Variants in BAZ1A observed in about 807,000 individuals in gnomAD.
BAZ1A encodes bromodomain adjacent to zinc finger domain 1A, also known as bromodomain adjacent to zinc finger domain protein 1A.
In BAZ1A, 50 loss-of-function variants were observed where a neutral mutation model predicts 185.2. The observed-to-expected ratio is 0.27, with a 90% CI of 0.22 to 0.34. The LOEUF (loss-of-function observed/expected upper bound fraction) is 0.34, where lower values mean the gene tolerates loss of function less well. Ranked by LOEUF, BAZ1A falls within the 10% of genes least tolerant of loss-of-function variation. The pLI is 1.00. For missense variants in BAZ1A, 1,356 were observed against 1,839.9 expected, an observed-to-expected ratio of 0.74 and a Z score of 4.81; for synonymous variants, 571 against 615.6, an observed-to-expected ratio of 0.93 and a Z score of 1.07.
Position 34,810,990 on chromosome 14 carries a change from G to C in BAZ1A, c.583C>G (p.Gln195Glu), listed in dbSNP as rs1440769273. The change falls in exon 5 of 27, where the codon CAA (glutamine) becomes GAA (glutamate). Residue 195 changes from glutamine to glutamate, a missense_variant. Physicochemically the swap from Gln to Glu is conservative, Grantham distance 29 (BLOSUM62 2). Around this residue, in one of 7 missense-constraint regions of BAZ1A, gnomAD observed 332 missense variants for 395.3 expected, o/e 0.84. Transcript: ENST00000360310. ...TCATGTAATTCTTTTTTAGTGGGTT[G>C]CACTTTATACTTGAATAGTAAGGGA... ...IDPLLFKYKV[Q>E]PTKKELHESA... The C allele has an allele frequency of 5.6e-6, 9 of 1,609,832 alleles. No individual in the cohort carries two copies. Among genetic ancestry groups the C allele is most frequent in the Non-Finnish European group, 7.6e-6 (9 of 1,177,676 alleles).
chr14:34,869,811 A>T lies in BAZ1A; in HGVS notation c.113+4681T>A, dbSNP rs374971097. Among the ~76,000 whole-genome samples, 25 of 152,280 alleles carry T rather than the reference A, an allele frequency of 1.6e-4. 1 individual carries two copies. In the East Asian group the frequency reaches 4.6e-3, roughly 28 times the overall value. On this transcript the variant is annotated intron_variant, in intron 2 of 26. Coordinates refer to ENST00000360310, the MANE Select transcript of BAZ1A (RefSeq NM_013448.3). ...CCTCTTGAATCTGGGCTGACCTTGT[A>T]ATCTGTTTTGACCAAAATAATAAAG... is the stretch of plus-strand genomic sequence containing the variant.
In BAZ1A at chr14:34,874,463, C is replaced by T. The variant is rs779399872; in HGVS notation, c.113+29G>A. 2.5e-6 allele frequency: 4 copies of T among 1,590,478 alleles called. No homozygotes were observed. Among genetic ancestry groups the T allele is most frequent in the South Asian group, 1.1e-5 (1 of 90,624 alleles). Reference sequence around the variant, plus strand: ...CTGCGGGGGGAGTCCCCACACCCCCCGCGGCCCCGCACACGGCCCGGCTCT... The same window carrying T: ...CTGCGGGGGGAGTCCCCACACCCCCTGCGGCCCCGCACACGGCCCGGCTCT... On this transcript the variant is annotated intron_variant, in intron 2 of 26. Coordinates refer to ENST00000360310, the MANE Select transcript of BAZ1A (RefSeq NM_013448.3). The surrounding 1 kb of genome is among the most constrained non-coding windows in gnomAD (Gnocchi z 4.7).
intron 4 of BAZ1A, among the ~76,000 whole-genome samples, chr14:34,817,277 A>T (rs4982219): frequency 0.3 from 44,919 of 151,336 alleles, 6,906 homozygotes; most frequent in Admixed American, 0.39. Context: ...TGGTGGTCAG[A>T]ATATATTATT....
At chr14:34,814,831 T>C (rs566105830) in intron 4 of BAZ1A, among the ~76,000 whole-genome samples, 2 of 150,556 alleles carry the variant, frequency 1.3e-5, no homozygotes, top group East Asian at 3.9e-4. Context: ...TGGAGTGCAA[T>C]GGTGCGGTCT....
At position 34,867,553 on chromosome 14, in the gene BAZ1A, C is replaced by G. The variant is rs75767366; in HGVS notation, c.114-5231G>C. 8.9e-3 allele frequency among the ~76,000 whole-genome samples: 1,351 copies of G among 152,350 alleles called. 109 individuals carry two copies. The East Asian group carries it at 0.2, about 22-fold the overall frequency. ...ACAGCAATGGCACAAATGCCACAACCAGTGATGTATAGCTGCCCTTTTATA... is the reference window on the plus strand; with the variant it reads ...ACAGCAATGGCACAAATGCCACAACGAGTGATGTATAGCTGCCCTTTTATA... On this transcript the variant is annotated intron_variant, in intron 2 of 26. Coordinates refer to ENST00000360310, the MANE Select transcript of BAZ1A (RefSeq NM_013448.3).
At chr14:34,779,155 A>G (rs982912617) in intron 17 of BAZ1A, among the ~76,000 whole-genome samples, 2 of 151,982 alleles carry the variant, frequency 1.3e-5, no homozygotes, top group Admixed American at 6.6e-5. Flanking sequence ...TGGCCCTACT[A>G]TATTTTTATT....
intron 21 of BAZ1A, chr14:34,768,733 CTTT>C (rs34320241): frequency 2.5e-6 from 1 of 395,852 alleles, no homozygotes; most frequent in Non-Finnish European, 5.0e-6. Flanking sequence ...TTTTCTTGTC[CTTT>C]TTTTTTTCTA....
chr14:34,774,560 T>A, intron 18 of BAZ1A, 70 bp from the exon 19 acceptor site: 7 of 1,340,116 alleles, frequency 5.2e-6, no homozygotes, highest in Non-Finnish European at 7.0e-6. Flanking sequence ...ATGTGGCTGT[T>A]ATGATCTTGA....
intron 3 of BAZ1A, among the ~76,000 whole-genome samples, chr14:34,857,189 G>A (rs1024861175): frequency 1.3e-5 from 2 of 151,856 alleles, no homozygotes; most frequent in Non-Finnish European, 2.9e-5. Context: ...TGTATTTTTA[G>A]TAGAGATGGG....
intron 3 of BAZ1A, among the ~76,000 whole-genome samples, chr14:34,850,135 T>C (rs1254270418): frequency 6.6e-6 from 1 of 151,164 alleles, no homozygotes; most frequent in Non-Finnish European, 1.5e-5. Flanking sequence ...ATCCCAGCAC[T>C]TTGGGAGGCC....
intron 2 of BAZ1A, among the ~76,000 whole-genome samples, chr14:34,870,083 T>C (rs1289956240): frequency 6.6e-6 from 1 of 152,096 alleles, no homozygotes; most frequent in Non-Finnish European, 1.5e-5. Flanking sequence ...AGTGAGCAAA[T>C]AAAATGGGTT....
chr14:34,828,030 C>T (rs910184785), intron 3 of BAZ1A, among the ~76,000 whole-genome samples: 3 of 151,984 alleles, frequency 2.0e-5, no homozygotes, highest in Admixed American at 2.0e-4. Flanking sequence ...TGTGGTGGCT[C>T]ACACCTGTAA....
At chr14:34,804,639 A>T (rs777766546) in intron 6 of BAZ1A, among the ~76,000 whole-genome samples, 1 of 152,170 alleles carries the variant, frequency 6.6e-6, no homozygotes, top group Non-Finnish European at 1.5e-5. Flanking sequence ...ATCCCATATA[A>T]CCTCAGAATT....
At chr14:34,852,967 G>T (rs1235724517) in intron 3 of BAZ1A, among the ~76,000 whole-genome samples, 2 of 152,042 alleles carry the variant, frequency 1.3e-5, no homozygotes, top group African/African-American at 2.4e-5. Flanking sequence ...TCCATGACTT[G>T]GTTTTTTGTT....
At chr14:34,755,661 T>C (rs556390908) in intron 25 of BAZ1A, among the ~76,000 whole-genome samples, 22 of 152,340 alleles carry the variant, frequency 1.4e-4, no homozygotes, top group African/African-American at 5.1e-4. Flanking sequence ...ACTTCTGTAA[T>C]ACCATGATAA....
intron 4 of BAZ1A, 83 bp downstream of exon 4, chr14:34,825,928 ACT>A: frequency 1.5e-6 from 2 of 1,301,650 alleles, no homozygotes; most frequent in Non-Finnish European, 2.0e-6. Context: ...AAAGAGTGAA[ACT>A]CTATCTCAAA....
At chr14:34,809,049 C>T (rs2041891838) in intron 5 of BAZ1A, among the ~76,000 whole-genome samples, 1 of 152,076 alleles carries the variant, frequency 6.6e-6, no homozygotes, top group Non-Finnish European at 1.5e-5. Context: ...CTAAACAATA[C>T]AGTATAACAA....
intron 6 of BAZ1A, among the ~76,000 whole-genome samples, chr14:34,803,990 A>G (rs1881716519): frequency 6.6e-6 from 1 of 152,056 alleles, no homozygotes; most frequent in African/African-American, 2.4e-5. Context: ...TGCCTTTTAA[A>G]GTTTTTTTAA....
chr14:34,813,199 A>C (rs559300116), intron 4 of BAZ1A, among the ~76,000 whole-genome samples: 78 of 143,114 alleles, frequency 5.5e-4, no homozygotes, highest in Admixed American at 1.7e-3. Flanking sequence ...CCTTGGCAAC[A>C]TGGGGAAACC....
Sources: allele counts gnomAD v4.1 joint callset (sites outside exome capture counted in the v4.1 genomes callset), GRCh38; gene constraint gnomAD v4.1.1; regional missense constraint gnomAD v4.1.1; non-coding constraint Gnocchi (gnomAD v3.1); transcripts MANE v1.5; gene names NCBI Gene and HGNC (gene_info 2026-07-23, HGNC 2026-07-21).